SLC5A8: variants seen among roughly 807,000 people sequenced by gnomAD.
SLC5A8 encodes the protein solute carrier family 5 member 8.
In SLC5A8, 55 loss-of-function variants were observed where a neutral mutation model predicts 71.9. The observed-to-expected ratio is 0.77, with a 90% confidence interval of 0.62 to 0.96. SLC5A8 has a LOEUF of 0.96. Ranked by LOEUF, SLC5A8 falls within the 40% of genes least tolerant of loss-of-function variation. The probability of loss-of-function intolerance (pLI) is 0.00; values close to 1 mark genes in which losing one functional copy is unlikely to be tolerated. For missense variants in SLC5A8, 701 were observed against 745.3 expected (o/e 0.94, Z 0.69); for synonymous variants, 307 against 276.1 (o/e 1.11, Z -1.11).
intron 7 of SLC5A8, among the ~76,000 whole-genome samples, chr12:101,186,730 G>A (rs1868660320): frequency 6.6e-6 from 1 of 152,170 alleles, no homozygotes; most frequent in Non-Finnish European, 1.5e-5. Context: ...ATTAAAAGTT[G>A]AAATTTATAT....
At chr12:101,178,916 G>A (rs573918363) in intron 10 of SLC5A8, among the ~76,000 whole-genome samples, 1 of 151,926 alleles carries the variant, frequency 6.6e-6, no homozygotes, top group East Asian at 1.9e-4. Flanking sequence ...CTGACCAAGA[G>A]CTAGTATACA....
At chr12:101,204,841 C>T (rs1457937113) in intron 1 of SLC5A8, among the ~76,000 whole-genome samples, 1 of 152,190 alleles carries the variant, frequency 6.6e-6, no homozygotes, top group African/African-American at 2.4e-5. Context: ...CCTCGGGCTT[C>T]CCCTTCATGA....
At chr12:101,204,851 A>T (rs2137171594) in intron 1 of SLC5A8, among the ~76,000 whole-genome samples, 1 of 152,276 alleles carries the variant, frequency 6.6e-6, no homozygotes, top group Non-Finnish European at 1.5e-5. Context: ...CCCCTTCATG[A>T]TCAAGCCCTC....
rs188303752 is a variant in SLC5A8 at position 101,188,705 on chromosome 12, T to A, written c.834-1190A>T. ...CCATGCTAACCTCAACCTCAGAGTC[T>A]GCTTCCGGAAGAATCAAAGGTGGGT... On this transcript the variant is annotated intron_variant, in intron 6 of 14. Transcript: ENST00000536262. Among the ~76,000 whole-genome samples, 11 of 152,328 alleles carry A rather than the reference T, an allele frequency of 7.2e-5. No individual in the cohort carries two copies. In the East Asian group the frequency reaches 1.7e-3, roughly 24 times the overall value.
At chr12:101,204,465 C>T in intron 2 of SLC5A8, 35 bp downstream of exon 2, 1 of 1,545,776 alleles carries the variant, frequency 6.5e-7, no homozygotes, top group Non-Finnish European at 8.8e-7. Context: ...AACATTTTAG[C>T]TGACAAAAGA....
At chr12:101,183,909 G>C (rs1366927190) in intron 8 of SLC5A8, among the ~76,000 whole-genome samples, 2 of 152,082 alleles carry the variant, frequency 1.3e-5, no homozygotes, top group African/African-American at 4.8e-5. Context: ...AGGATGTATG[G>C]TGGTGTATTA....
At chr12:101,168,028 A>AAAAAAGTGTAGAGCTGCTAGTATAGTTC in intron 11 of SLC5A8, 68 bp downstream of exon 11, 1 of 1,422,082 alleles carries the variant, frequency 7.0e-7, no homozygotes, top group Non-Finnish European at 9.6e-7. Flanking sequence ...ACCAACTGAG[A>AAAAAAGTGTAGAGCTGCTAGTATAGTTC]AAAAAGTGTA....
chr12:101,208,268 G>A (rs965829909), intron 1 of SLC5A8, among the ~76,000 whole-genome samples: 2 of 152,090 alleles, frequency 1.3e-5, no homozygotes, highest in Non-Finnish European at 2.9e-5. Context: ...GGGGTGCCTC[G>A]CCCTGGAAGA....
At position 101,166,630 on chromosome 12, in the gene SLC5A8, G is replaced by A; in HGVS notation, c.1390C>T (p.Pro464Ser). ...LWVGIGAQIYPPLPERTLPLH... is the reference protein window; with the variant it reads ...LWVGIGAQIYSPLPERTLPLH... ...GGCAATGTTCTCTCAGGAAGTGGAGGATATATTTGAGCTCCAATTCCAACC... is the reference window on the plus strand; with the variant it reads ...GGCAATGTTCTCTCAGGAAGTGGAGAATATATTTGAGCTCCAATTCCAACC... The change falls in exon 12 of 15, where the codon CCT becomes TCT. Residue 464 changes from proline to serine, a missense_variant. By Grantham distance (74) the Pro-to-Ser change is moderately conservative (BLOSUM62 -1). Transcript: ENST00000536262. The A allele has an allele frequency of 1.2e-6, 2 of 1,613,784 alleles. No homozygotes were observed. The highest frequency in any genetic ancestry group is 1.7e-6 in the Non-Finnish European group (2 of 1,179,896).
chr12:101,198,964 G>A (rs1334088069), intron 3 of SLC5A8, among the ~76,000 whole-genome samples: 1 of 151,876 alleles, frequency 6.6e-6, no homozygotes, highest in Non-Finnish European at 1.5e-5. Flanking sequence ...ATAAGGATTA[G>A]AAAAGAAGTA....
At chr12:101,184,281 G>A (rs1868514144) in intron 7 of SLC5A8, 59 bp from the exon 8 acceptor site, 1 of 1,353,706 alleles carries the variant, frequency 7.4e-7, no homozygotes, top group Non-Finnish European at 1.1e-6. Flanking sequence ...ATTAATGAAT[G>A]CCTAGTTTAT....
Position 101,184,049 on chromosome 12 carries a change from C to T in SLC5A8, c.1052+85G>A, listed in dbSNP as rs371295157. 3.9e-5 allele frequency: 53 copies of T among 1,372,534 alleles called. No homozygotes were observed. The African/African-American group carries it at 7.5e-4, about 19-fold the overall frequency. 85.0% of individuals were successfully genotyped at this position (1,372,534 alleles called of 1,614,324 possible). ...GGGCCATCTGTGTCTGTGCCCAGAA[C>T]TCCACATTATCCCGCTAAAGTATCT... is the stretch of plus-strand genomic sequence containing the variant. On this transcript the variant is annotated intron_variant, in intron 8 of 14. Coordinates refer to ENST00000536262, the MANE Select transcript of SLC5A8 (RefSeq NM_145913.5).
At chr12:101,166,265 A>G (rs1035602863) in intron 12 of SLC5A8, among the ~76,000 whole-genome samples, 1 of 152,212 alleles carries the variant, frequency 6.6e-6, no homozygotes, top group African/African-American at 2.4e-5. Flanking sequence ...TCTCATTAAT[A>G]TTTAAGTTTT....
Position 101,190,450 on chromosome 12 carries a change from C to G in SLC5A8, c.833+18G>C, listed in dbSNP as rs773682063. 1 of 1,608,572 alleles carries G rather than the reference C, an allele frequency of 6.2e-7. No individual in the cohort carries two copies. The highest frequency in any genetic ancestry group is 8.5e-7 in the Non-Finnish European group (1 of 1,177,942). On this transcript the variant is annotated intron_variant, in intron 6 of 14. Coordinates refer to ENST00000536262, the MANE Select transcript of SLC5A8 (RefSeq NM_145913.5). ...CTGATGGTTATTAATGATTCATATACCATGGTGTGTGACTTACAGTTTTGC... is the reference window on the plus strand; with the variant it reads ...CTGATGGTTATTAATGATTCATATAGCATGGTGTGTGACTTACAGTTTTGC...
chr12:101,184,905 TC>T (rs1868557277), intron 7 of SLC5A8, among the ~76,000 whole-genome samples: 2 of 152,250 alleles, frequency 1.3e-5, no homozygotes, highest in South Asian at 4.1e-4. Flanking sequence ...GTGTGTGACT[TC>T]AGGACTCTGT....
chr12:101,207,429 G>A (rs1869720651), intron 1 of SLC5A8, among the ~76,000 whole-genome samples: 2 of 152,200 alleles, frequency 1.3e-5, no homozygotes, highest in Middle Eastern at 3.2e-3. Flanking sequence ...TGTAAAACAT[G>A]CAATGCAGCC....
At chr12:101,177,128 T>C (rs1307846158) in intron 10 of SLC5A8, among the ~76,000 whole-genome samples, 1 of 152,060 alleles carries the variant, frequency 6.6e-6, no homozygotes, top group Non-Finnish European at 1.5e-5. Context: ...AGAACTACTA[T>C]GAACAACTAT....
intron 13 of SLC5A8, among the ~76,000 whole-genome samples, chr12:101,160,289 A>T (rs1433291401): frequency 6.6e-6 from 1 of 152,238 alleles, no homozygotes; most frequent in East Asian, 1.9e-4. Flanking sequence ...GAAAGAGCAC[A>T]GTCCTTTTGG....
chr12:101,202,606 T>C (rs1045634099), intron 2 of SLC5A8, among the ~76,000 whole-genome samples: 12 of 152,028 alleles, frequency 7.9e-5, no homozygotes, highest in African/African-American at 2.9e-4. Context: ...TTCAAACTGT[T>C]AATCCCTGCA....
Sources: allele counts gnomAD v4.1 joint callset (sites outside exome capture counted in the v4.1 genomes callset), GRCh38; gene constraint gnomAD v4.1.1; transcripts MANE v1.5; gene names NCBI Gene and HGNC (gene_info 2026-07-23, HGNC 2026-07-21).